The following EVA1A variants were observed in gnomAD, a reference collection of about 807,000 sequenced individuals.
The protein encoded by EVA1A is protein eva-1 homolog A.
A neutral mutation model predicts 9.8 loss-of-function variants in EVA1A; 7 were observed. The observed-to-expected ratio is 0.71, with a 90% CI of 0.41 to 1.34. The LOEUF (loss-of-function observed/expected upper bound fraction) is 1.34. Ranked by LOEUF, EVA1A falls within the 40% of genes most tolerant of loss-of-function variation. The pLI is 0.01. For missense variants in EVA1A, 206 were observed against 205.9 expected (o/e 1.00, Z 0.00); for synonymous variants, 90 against 85.6 (o/e 1.05, Z -0.28).
At chr2:75,516,508 G>T (rs1246599292) in intron 3 of EVA1A, among the ~76,000 whole-genome samples, 1 of 152,196 alleles carries the variant, frequency 6.6e-6, no homozygotes, top group African/African-American at 2.4e-5. Context: ...ACAGGGCCAT[G>T]TACTTTTCAG....
At chr2:75,566,007 C>T (rs2104008178) in intron 1 of EVA1A, among the ~76,000 whole-genome samples, 1 of 152,330 alleles carries the variant, frequency 6.6e-6, no homozygotes, top group South Asian at 2.1e-4. Flanking sequence ...CTATCTCTCT[C>T]TTTCTCCAGT....
intron 3 of EVA1A, among the ~76,000 whole-genome samples, chr2:75,501,766 G>T (rs906479272): frequency 4.6e-5 from 7 of 152,178 alleles, no homozygotes; most frequent in African/African-American, 1.7e-4. Flanking sequence ...GACCCTGTAG[G>T]CAGAGTAAGT....
intron 1 of EVA1A, among the ~76,000 whole-genome samples, chr2:75,536,523 T>G (rs1675905022): frequency 6.6e-6 from 1 of 152,014 alleles, no homozygotes; most frequent in Non-Finnish European, 1.5e-5. Flanking sequence ...CCAGAGGGTC[T>G]TTGAAAAAAA....
At chr2:75,516,150 T>G (rs1413703907) in intron 3 of EVA1A, among the ~76,000 whole-genome samples, 1 of 152,262 alleles carries the variant, frequency 6.6e-6, no homozygotes, top group Non-Finnish European at 1.5e-5. Context: ...TTTTCCACAA[T>G]TTTCTTCCAT....
At chr2:75,525,327 A>T (rs1675389942) in intron 1 of EVA1A, among the ~76,000 whole-genome samples, 1 of 151,946 alleles carries the variant, frequency 6.6e-6, no homozygotes, top group Admixed American at 6.6e-5. Context: ...GTTTCTTATC[A>T]CCCATTCTAC....
At chr2:75,551,839 C>T (rs1676534066) in intron 1 of EVA1A, among the ~76,000 whole-genome samples, 1 of 152,142 alleles carries the variant, frequency 6.6e-6, no homozygotes, top group African/African-American at 2.4e-5. Flanking sequence ...ACTCCATAAC[C>T]CTCCGTAACC....
At chr2:75,496,860 A>T (rs1034569517) in intron 3 of EVA1A, among the ~76,000 whole-genome samples, 3 of 152,206 alleles carry the variant, frequency 2.0e-5, no homozygotes, top group Non-Finnish European at 4.4e-5. Context: ...ATGGAACAGG[A>T]TAAAGAACCC....
At chr2:75,560,985 A>AC (rs1243341580), upstream of EVA1A, 1 of 149,272 alleles carries the variant, frequency 6.7e-6, no homozygotes, top group Non-Finnish European at 1.5e-5. Flanking sequence ...CCCCTCCTCC[A>AC]CCCGCTTGGC....
rs562789876 is a variant in EVA1A, at chr2:75,506,506, T to A, written c.85+11550A>T. Among the ~76,000 whole-genome samples the A allele has an allele frequency of 6.5e-4, 99 of 152,326 alleles. 1 individual carries two copies. Among genetic ancestry groups the A allele is most frequent in the Middle Eastern group, 3.4e-3 (1 of 294 alleles). ...GTACTGGAGGCGTGGGGTCTTGGCATTTCTCAGCCCATGCAGGAAGCTCCC... is the reference window on the plus strand; with the variant it reads ...GTACTGGAGGCGTGGGGTCTTGGCAATTCTCAGCCCATGCAGGAAGCTCCC... On this transcript the variant is annotated intron_variant, in intron 3 of 3. Transcript: ENST00000393913.
At chr2:75,535,619 T>C (rs919740517) in intron 1 of EVA1A, among the ~76,000 whole-genome samples, 8 of 152,226 alleles carry the variant, frequency 5.3e-5, no homozygotes, top group African/African-American at 1.9e-4. Context: ...AAGAATAACA[T>C]AATGTCTTTT....
intron 1 of EVA1A, among the ~76,000 whole-genome samples, chr2:75,522,919 C>T (rs1675283447): frequency 6.6e-6 from 1 of 152,214 alleles, no homozygotes; most frequent in South Asian, 2.1e-4. Context: ...TCTCACACAG[C>T]TCTGTAGGAA....
upstream of EVA1A, among the ~76,000 whole-genome samples, chr2:75,565,619 T>C (rs1251011491): frequency 6.6e-6 from 1 of 152,202 alleles, no homozygotes; most frequent in Non-Finnish European, 1.5e-5. Flanking sequence ...CTTGCCTTCT[T>C]CCACTATGGC....
In EVA1A at chr2:75,531,641, C is replaced by G. The variant is rs192658960; in HGVS notation, c.-191-9154G>C. On this transcript the variant is annotated intron_variant, in intron 1 of 3. Coordinates refer to ENST00000393913, the MANE Select transcript of EVA1A (RefSeq NM_001135032.2). ...CTGGATGGAGTTGGAGACCATTATT[C>G]TAAGTGAAGTAACTCAGGAATAGAA... is the stretch of plus-strand genomic sequence containing the variant. Among the ~76,000 whole-genome samples the G allele has an allele frequency of 4.0e-3, 610 of 152,130 alleles. 4 individuals are homozygous for G. The highest frequency in any genetic ancestry group is 6.2e-3 in the Non-Finnish European group (421 of 67,996).
chr2:75,512,617 TA>T, intron 3 of EVA1A, among the ~76,000 whole-genome samples: 1 of 152,248 alleles, frequency 6.6e-6, no homozygotes, highest in Non-Finnish European at 1.5e-5. Flanking sequence ...GGTCAGACAT[TA>T]AAAGCTCTGG....
intron 3 of EVA1A, among the ~76,000 whole-genome samples, chr2:75,517,552 T>C (rs1675056711): frequency 6.6e-6 from 1 of 152,132 alleles, no homozygotes; most frequent in African/African-American, 2.4e-5. Flanking sequence ...AAGGGACAAA[T>C]ATCAGACTCT....
chr2:75,548,983 AATAT>A (rs71403226), intron 1 of EVA1A, among the ~76,000 whole-genome samples: 1,480 of 133,644 alleles, frequency 0.011, 28 homozygotes, highest in African/African-American at 0.02. Flanking sequence ...CTAAATGAAA[AATAT>A]ATATATATAT....
chr2:75,552,353 C>A (rs1486390151), intron 1 of EVA1A, among the ~76,000 whole-genome samples: 1 of 152,140 alleles, frequency 6.6e-6, no homozygotes, highest in African/African-American at 2.4e-5. Flanking sequence ...GCTGCTCCCT[C>A]CTCCCTGTCC....
chr2:75,557,481 A>G (rs1191667169), intron 1 of EVA1A, among the ~76,000 whole-genome samples: 3 of 152,242 alleles, frequency 2.0e-5, no homozygotes, highest in African/African-American at 7.2e-5. Flanking sequence ...TTTGCATCTG[A>G]TCAAGTATAA....
intron 1 of EVA1A, among the ~76,000 whole-genome samples, chr2:75,559,568 G>A (rs1010300005): frequency 8.5e-5 from 13 of 152,292 alleles, no homozygotes; most frequent in African/African-American, 2.4e-4. Context: ...AAGATTCAAA[G>A]GTGAAACCTC....
Sources: gnomAD v4.1 joint callset for allele counts (sites outside exome capture counted in the v4.1 genomes callset) on GRCh38, gnomAD v4.1.1 for gene constraint, MANE v1.5 for transcripts, NCBI Gene and HGNC (gene_info 2026-07-23, HGNC 2026-07-21) for gene names.